PCDH9: variants seen among roughly 807,000 people sequenced by gnomAD.
PCDH9 encodes protocadherin-9.
A neutral mutation model predicts 70.6 loss-of-function variants in PCDH9; 24 were observed. The ratio of observed to expected loss-of-function variants is 0.34; its 90% CI spans 0.25 to 0.48. PCDH9 has a LOEUF of 0.48. PCDH9 is among the 20% of genes least tolerant of loss of function. The pLI, the probability that PCDH9 is intolerant of heterozygous loss-of-function variation, is 0.99. For missense variants in PCDH9, 1,281 were observed against 1,503.6 expected (o/e 0.85, Z 2.45); for synonymous variants, 562 against 558.5 (o/e 1.01, Z -0.09).
chr13:66,646,249 G>T (rs988314110), intron 3 of PCDH9, among the ~76,000 whole-genome samples: 2 of 152,180 alleles, frequency 1.3e-5, no homozygotes, highest in Admixed American at 1.3e-4. Flanking sequence ...TTATTAAGTT[G>T]CAATAATGCT....
intron 4 of PCDH9, among the ~76,000 whole-genome samples, chr13:66,480,997 C>T (rs1290547067): frequency 6.6e-6 from 1 of 152,072 alleles, no homozygotes; most frequent in Non-Finnish European, 1.5e-5. Context: ...AGGATGAGTT[C>T]ATGTCCTTTG....
chr13:67,148,005 C>T (rs1285686956), intron 2 of PCDH9, among the ~76,000 whole-genome samples: 1 of 152,146 alleles, frequency 6.6e-6, no homozygotes, highest in African/African-American at 2.4e-5. Context: ...AAGTCGGCTG[C>T]TATAACGATT....
Position 66,918,894 on chromosome 13 carries a change from G to T in PCDH9, c.3037-15289C>A, listed in dbSNP as rs147555242. The stretch of plus-strand genomic sequence containing the variant: ...TTTCTGTCATCATGCACTTTGGAAG[G>T]AGTATTCTGCACCATCTATTTTCAA... On this transcript the variant is annotated intron_variant, in intron 2 of 4. Transcript: ENST00000377865. Among the ~76,000 whole-genome samples the T allele has an allele frequency of 1.1e-3, 167 of 151,250 alleles. 1 individual carries two copies. Among genetic ancestry groups the T allele is most frequent in the African/African-American group, 3.8e-3 (157 of 41,412 alleles).
chr13:66,348,769 T>G (rs1329883855), intron 4 of PCDH9, among the ~76,000 whole-genome samples: 1 of 152,034 alleles, frequency 6.6e-6, no homozygotes, highest in African/African-American at 2.4e-5. Context: ...TTAAAATCTT[T>G]GCAATCAGTA....
At chr13:66,369,567 A>G (rs894729799) in intron 4 of PCDH9, among the ~76,000 whole-genome samples, 1 of 152,148 alleles carries the variant, frequency 6.6e-6, no homozygotes, top group East Asian at 1.9e-4. Context: ...CTACCTCAGC[A>G]AGTATACTAC....
At chr13:66,748,801 C>G (rs1218876915) in intron 3 of PCDH9, among the ~76,000 whole-genome samples, 3 of 152,124 alleles carry the variant, frequency 2.0e-5, no homozygotes, top group Non-Finnish European at 4.4e-5. Context: ...TTTAAGAGCA[C>G]AAAGAGCTTC....
At chr13:66,703,678 T>G (rs1034829878) in intron 3 of PCDH9, among the ~76,000 whole-genome samples, 4 of 152,108 alleles carry the variant, frequency 2.6e-5, no homozygotes, top group African/African-American at 7.2e-5. Context: ...GAGGATGGCT[T>G]GAGCCCAGGA....
intron 4 of PCDH9, among the ~76,000 whole-genome samples, chr13:66,506,750 A>G (rs1959221252): frequency 6.6e-6 from 1 of 152,270 alleles, no homozygotes; most frequent in Non-Finnish European, 1.5e-5. Context: ...GGCTATTCGA[A>G]TTTAAAATAA....
chr13:66,946,228 G>A (rs886578279), intron 2 of PCDH9, among the ~76,000 whole-genome samples: 3 of 152,042 alleles, frequency 2.0e-5, no homozygotes, highest in African/African-American at 4.8e-5. Flanking sequence ...CTACAAAAGG[G>A]AATATGATTA....
At chr13:66,593,741 T>C (rs948615000) in intron 4 of PCDH9, among the ~76,000 whole-genome samples, 2 of 151,706 alleles carry the variant, frequency 1.3e-5, no homozygotes, top group Non-Finnish European at 3.0e-5. Context: ...TATTTTTAAA[T>C]ATATGTTTGT....
At chr13:66,749,904 A>G (rs2079430597) in intron 3 of PCDH9, among the ~76,000 whole-genome samples, 1 of 152,216 alleles carries the variant, frequency 6.6e-6, no homozygotes, top group Admixed American at 6.5e-5. Flanking sequence ...ATGTATATAC[A>G]TACTTTCAAA....
intron 3 of PCDH9, among the ~76,000 whole-genome samples, chr13:66,832,050 A>G (rs1039220484): frequency 1.3e-5 from 2 of 152,166 alleles, no homozygotes; most frequent in African/African-American, 4.8e-5. Flanking sequence ...GGAGGCCACT[A>G]CAGTTTTCAG....
chr13:66,582,886 C>T (rs1426471950), intron 4 of PCDH9, among the ~76,000 whole-genome samples: 1 of 152,048 alleles, frequency 6.6e-6, no homozygotes, highest in Admixed American at 6.5e-5. Context: ...GAGGGATAAA[C>T]AATAAATAGA....
intron 2 of PCDH9, among the ~76,000 whole-genome samples, chr13:67,125,493 A>C (rs2086959368): frequency 6.6e-6 from 1 of 152,150 alleles, no homozygotes; most frequent in African/African-American, 2.4e-5. Flanking sequence ...TGTTACAGAA[A>C]TATTAAGCTA....
intron 3 of PCDH9, among the ~76,000 whole-genome samples, chr13:66,659,743 T>G (rs1280442764): frequency 6.6e-6 from 1 of 152,002 alleles, no homozygotes; most frequent in East Asian, 1.9e-4. Context: ...TCTCTATATC[T>G]TCTGTTCTCA....
chr13:66,833,624 T>C (rs1014057735), intron 3 of PCDH9, among the ~76,000 whole-genome samples: 2 of 152,200 alleles, frequency 1.3e-5, no homozygotes, highest in East Asian at 1.9e-4. Context: ...GGGCATGTGA[T>C]AGAAACCTAA....
At chr13:66,790,776 T>C (rs1213421928) in intron 3 of PCDH9, among the ~76,000 whole-genome samples, 1 of 152,066 alleles carries the variant, frequency 6.6e-6, no homozygotes, top group Admixed American at 6.6e-5. Context: ...CTACCTATGG[T>C]TGGAAATCCT....
intron 2 of PCDH9, among the ~76,000 whole-genome samples, chr13:67,150,722 C>G (rs1395777778): frequency 2.0e-5 from 3 of 152,110 alleles, no homozygotes; most frequent in African/African-American, 7.2e-5. Context: ...TTTAAATTTA[C>G]CAATAAAACC....
intron 2 of PCDH9, among the ~76,000 whole-genome samples, chr13:66,918,349 A>G (rs1169156863): frequency 6.6e-6 from 1 of 151,150 alleles, no homozygotes; most frequent in Non-Finnish European, 1.5e-5. Context: ...CGCTATTTTA[A>G]TTTAGCTAGT....
Sources: gnomAD v4.1 joint callset for allele counts (sites outside exome capture counted in the v4.1 genomes callset) on GRCh38, gnomAD v4.1.1 for gene constraint, MANE v1.5 for transcripts, NCBI Gene and HGNC (gene_info 2026-07-23, HGNC 2026-07-21) for gene names.